The following PITPNM3 variants were observed in gnomAD, a reference collection of about 807,000 sequenced individuals.
PITPNM3 encodes the protein membrane-associated phosphatidylinositol transfer protein 3.
PITPNM3 carries 26 observed loss-of-function variants against 102.0 expected under a neutral mutation model. That is an observed-to-expected ratio of 0.25 (90% CI 0.19 to 0.35). The LOEUF (loss-of-function observed/expected upper bound fraction) is 0.35. PITPNM3 is among the 10% of genes least tolerant of loss of function. PITPNM3 has a pLI of 1.00. For synonymous variants in PITPNM3, 578 were observed against 558.6 expected, an observed-to-expected ratio of 1.03 and a Z score of -0.49; for missense variants, 1,083 against 1,346.1, an observed-to-expected ratio of 0.80 and a Z score of 3.06.
intron 3 of PITPNM3, among the ~76,000 whole-genome samples, chr17:6,514,778 A>G (rs1833613199): frequency 6.6e-6 from 1 of 152,238 alleles, no homozygotes; most frequent in African/African-American, 2.4e-5. Flanking sequence ...TTGAAAACAT[A>G]TCCACACAAA....
chr17:6,478,756 G>C lies in PITPNM3; in HGVS notation c.588-20C>G. 2 of 1,547,960 alleles carry C rather than the reference G, an allele frequency of 1.3e-6. No individual in the cohort carries two copies. The highest frequency in any genetic ancestry group is 1.7e-6 in the Non-Finnish European group (2 of 1,147,308). On this transcript the variant is annotated intron_variant, in intron 6 of 19. Coordinates refer to ENST00000262483, the MANE Select transcript of PITPNM3 (RefSeq NM_031220.4). The surrounding 1 kb of genome is among the most constrained non-coding windows in gnomAD (Gnocchi z 4.4). ...TTCAGGCTGCAGACAGGGGGCCCAA[G>C]GTGAGCCCAGCCAGGATCGGGCAGG...
intron 9 of PITPNM3, among the ~76,000 whole-genome samples, chr17:6,475,141 G>A (rs1275277424): frequency 6.6e-6 from 1 of 152,198 alleles, no homozygotes; most frequent in African/African-American, 2.4e-5. Context: ...TGGGATCAGG[G>A]CTTTCATCGT....
intron 14 of PITPNM3, among the ~76,000 whole-genome samples, chr17:6,466,209 C>T (rs1007923201): frequency 6.6e-6 from 1 of 152,258 alleles, no homozygotes; most frequent in African/African-American, 2.4e-5. Flanking sequence ...GCCCTCTTCC[C>T]CCACATTCCA....
chr17:6,465,689 G>C (rs1052985579), intron 14 of PITPNM3, among the ~76,000 whole-genome samples: 1 of 152,204 alleles, frequency 6.6e-6, no homozygotes, highest in Non-Finnish European at 1.5e-5. Context: ...AATCCTGGAC[G>C]CTGCGTCATT....
chr17:6,474,755 A>G, intron 9 of PITPNM3, 151 bp from the exon 10 acceptor site: 1 of 957,472 alleles, frequency 1.0e-6, no homozygotes, highest in Non-Finnish European at 1.5e-6. Flanking sequence ...GCTGCACACC[A>G]CCTACAGTCA....
chr17:6,548,324 A>G (rs1910136739), intron 1 of PITPNM3, among the ~76,000 whole-genome samples: 1 of 152,244 alleles, frequency 6.6e-6, no homozygotes, highest in African/African-American at 2.4e-5. Context: ...CGGAGCTCTC[A>G]TCACTGCTCC....
chr17:6,527,232 G>A (rs572360145), intron 2 of PITPNM3, among the ~76,000 whole-genome samples: 15 of 152,166 alleles, frequency 9.9e-5, no homozygotes, highest in African/African-American at 2.7e-4. Flanking sequence ...ATTATTCTTC[G>A]GGAAGCAGAA....
intron 2 of PITPNM3, among the ~76,000 whole-genome samples, chr17:6,530,308 C>A (rs993853668): frequency 1.3e-5 from 2 of 152,254 alleles, no homozygotes; most frequent in Admixed American, 6.5e-5. Context: ...ATGTGCCCCC[C>A]ATTCTCTGTG....
At chr17:6,527,858 C>T (rs1908920164) in intron 2 of PITPNM3, among the ~76,000 whole-genome samples, 1 of 152,214 alleles carries the variant, frequency 6.6e-6, no homozygotes, top group Non-Finnish European at 1.5e-5. Context: ...TTCTACAGTG[C>T]CATAAGTCCT....
intron 3 of PITPNM3, among the ~76,000 whole-genome samples, chr17:6,511,540 G>A (rs1907863472): frequency 6.6e-6 from 1 of 152,148 alleles, no homozygotes; most frequent in African/African-American, 2.4e-5. Flanking sequence ...TGAAAATGTG[G>A]GTCCCTTTGT....
chr17:6,461,185 T>C (rs2150715179), intron 18 of PITPNM3, among the ~76,000 whole-genome samples, 188 bp downstream of exon 18: 1 of 152,324 alleles, frequency 6.6e-6, no homozygotes, highest in Non-Finnish European at 1.5e-5. Context: ...CTCACCTTTC[T>C]CCTCTGTCAA....
chr17:6,550,850 C>T (rs1443148789), intron 1 of PITPNM3, among the ~76,000 whole-genome samples: 1 of 152,200 alleles, frequency 6.6e-6, no homozygotes, highest in Non-Finnish European at 1.5e-5. Context: ...CCCAGGGTCA[C>T]AGGCTTGAGG....
chr17:6,486,312 T>C (rs909358451), intron 4 of PITPNM3, among the ~76,000 whole-genome samples: 1 of 152,144 alleles, frequency 6.6e-6, no homozygotes, highest in African/African-American at 2.4e-5. Flanking sequence ...GGTCCTTGCC[T>C]TCTTCACACC....
At chr17:6,491,723 T>C (rs745548762) in intron 4 of PITPNM3, among the ~76,000 whole-genome samples, 3 of 150,264 alleles carry the variant, frequency 2.0e-5, no homozygotes, top group Non-Finnish European at 3.0e-5. Flanking sequence ...TAAATAATGG[T>C]GGGGGAGGTG....
At chr17:6,533,153 G>T (rs1057383261) in intron 2 of PITPNM3, among the ~76,000 whole-genome samples, 2 of 151,840 alleles carry the variant, frequency 1.3e-5, no homozygotes, top group Non-Finnish European at 2.9e-5. Flanking sequence ...GTAGAGACAG[G>T]GTTTCTCCAT....
intron 3 of PITPNM3, among the ~76,000 whole-genome samples, chr17:6,519,616 G>A (rs1291953201): frequency 6.6e-6 from 1 of 151,796 alleles, no homozygotes; most frequent in African/African-American, 2.4e-5. Context: ...GATCACTTGA[G>A]GTCAGGAGTT....
In PITPNM3 at chr17:6,459,100, T is replaced by A. The variant is rs1904334091; in HGVS notation, c.2491-1378A>T. Among the ~76,000 whole-genome samples, 1 of 152,144 alleles carries A rather than the reference T, an allele frequency of 6.6e-6. No homozygotes were observed. The highest frequency in any genetic ancestry group is 1.5e-5 in the Non-Finnish European group (1 of 68,036). On this transcript the variant is annotated intron_variant, in intron 18 of 19. Coordinates refer to ENST00000262483, the MANE Select transcript of PITPNM3 (RefSeq NM_031220.4). The surrounding 1 kb of genome is among the most constrained non-coding windows in gnomAD (Gnocchi z 5.0). ...CTTCCACCTTCTCATTCACCTGAGC[T>A]CACTCCTATAACTTGGATCCTCCAG...
At chr17:6,547,006 CAA>C (rs534428306) in intron 1 of PITPNM3, among the ~76,000 whole-genome samples, 1 of 136,238 alleles carries the variant, frequency 7.3e-6, no homozygotes. Context: ...GACTCCGTCT[CAA>C]AAAAAAAAAA....
At chr17:6,531,774 C>T (rs576235757) in intron 2 of PITPNM3, among the ~76,000 whole-genome samples, 1 of 152,328 alleles carries the variant, frequency 6.6e-6, no homozygotes, top group East Asian at 1.9e-4. Context: ...GCCTCCCTGG[C>T]TCACTCTGGC....
Sources: allele counts gnomAD v4.1 joint callset (sites outside exome capture counted in the v4.1 genomes callset), GRCh38; gene constraint gnomAD v4.1.1; non-coding constraint Gnocchi (gnomAD v3.1); transcripts MANE v1.5; gene names NCBI Gene and HGNC (gene_info 2026-07-23, HGNC 2026-07-21).